LRRFIP1: variants seen among roughly 807,000 people sequenced by gnomAD.
LRRFIP1 encodes the protein leucine-rich repeat flightless-interacting protein 1.
Under a neutral mutation model 104.4 loss-of-function variants are expected in LRRFIP1, and 62 were observed. The ratio of observed to expected loss-of-function variants is 0.59; its 90% CI spans 0.48 to 0.73. The LOEUF (loss-of-function observed/expected upper bound fraction) is 0.73, where lower values mean the gene tolerates loss of function less well. LRRFIP1 is among the 30% of genes least tolerant of loss of function. LRRFIP1 has a pLI of 0.00. For synonymous variants in LRRFIP1, 300 were observed against 299.0 expected (o/e 1.00, Z -0.03); for missense variants, 796 against 824.5 (o/e 0.97, Z 0.42).
chr2:237,627,774 G>A, intron 1 of LRRFIP1, 34 bp downstream of exon 1: 1 of 1,183,066 alleles, frequency 8.5e-7, no homozygotes, highest in Non-Finnish European at 1.1e-6. Context: ...GGGGGGCGCC[G>A]GGCGGGCGCG....
At chr2:237,777,122 C>G (rs1377025416) in intron 23 of LRRFIP1, among the ~76,000 whole-genome samples, 1 of 152,168 alleles carries the variant, frequency 6.6e-6, no homozygotes, top group East Asian at 1.9e-4. Flanking sequence ...ACCCTCCTGC[C>G]TGGCATGCAC....
intron 1 of LRRFIP1, among the ~76,000 whole-genome samples, chr2:237,647,262 G>A (rs563911097): frequency 6.6e-6 from 1 of 152,064 alleles, no homozygotes; most frequent in East Asian, 1.9e-4. Context: ...CATTGGCGGT[G>A]TGCAGGGCCT....
At position 237,747,820 on chromosome 2, in the gene LRRFIP1, A is replaced by G. The variant is rs571201501; in HGVS notation, c.634-544A>G. ...CCTTGGTAACCTTCTCAGTGGGCTT[A>G]TGATAAGAACCTTCAATGTGCCAAA... On this transcript the variant is annotated intron_variant, in intron 11 of 23. Coordinates refer to ENST00000308482, the MANE Select transcript of LRRFIP1 (RefSeq NM_001137550.2). Among the ~76,000 whole-genome samples, 12 of 152,270 alleles carry G rather than the reference A, an allele frequency of 7.9e-5. No homozygotes were observed. In the South Asian group the frequency reaches 1.0e-3, roughly 13 times the overall value.
intron 23 of LRRFIP1, among the ~76,000 whole-genome samples, chr2:237,778,719 C>T (rs949245821): frequency 6.6e-6 from 1 of 151,346 alleles, no homozygotes; most frequent in Admixed American, 6.6e-5. Flanking sequence ...GAGTTCAAGA[C>T]CAGCCTGACC....
chr2:237,740,082 G>A (rs773509755), intron 11 of LRRFIP1, among the ~76,000 whole-genome samples: 2 of 152,014 alleles, frequency 1.3e-5, no homozygotes, highest in Non-Finnish European at 2.9e-5. Flanking sequence ...GATGGGCAAG[G>A]CTTCCCTGTT....
rs540921238 is a variant in LRRFIP1, at chr2:237,667,420, T to C, written c.96+39680T>C. Among the ~76,000 whole-genome samples, 323 of 152,378 alleles carry C rather than the reference T, an allele frequency of 2.1e-3. 4 individuals carry two copies. In the East Asian group the frequency reaches 0.025, roughly 12 times the overall value. On this transcript the variant is annotated intron_variant, in intron 1 of 23. Coordinates refer to ENST00000308482, the MANE Select transcript of LRRFIP1 (RefSeq NM_001137550.2). ...TTTATGGTTGCATAGTATTCCATGG[T>C]GTCTATGTGCCACATTTTCTTTATC... is the stretch of plus-strand genomic sequence containing the variant.
At chr2:237,652,610 G>A (rs1395019821) in intron 1 of LRRFIP1, among the ~76,000 whole-genome samples, 1 of 152,226 alleles carries the variant, frequency 6.6e-6, no homozygotes, top group Non-Finnish European at 1.5e-5. Flanking sequence ...AGACCTAAAA[G>A]CAGTGTCTCA....
intron 1 of LRRFIP1, among the ~76,000 whole-genome samples, chr2:237,672,774 A>T (rs1437206956): frequency 6.6e-6 from 1 of 152,254 alleles, no homozygotes; most frequent in Non-Finnish European, 1.5e-5. Context: ...ATTTTGAAAT[A>T]AGACTTTACA....
intron 15 of LRRFIP1, among the ~76,000 whole-genome samples, chr2:237,753,790 C>CAAAAA (rs749198309): frequency 2.7e-5 from 2 of 74,750 alleles, no homozygotes; most frequent in South Asian, 4.6e-4. Context: ...GACACTGTCT[C>CAAAAA]AAAAAAAAAA....
chr2:237,656,835 T>A (rs1310280753), intron 1 of LRRFIP1, among the ~76,000 whole-genome samples: 1 of 152,260 alleles, frequency 6.6e-6, no homozygotes, highest in Non-Finnish European at 1.5e-5. Flanking sequence ...TTGTAAGTAC[T>A]ATTTGTGATT....
chr2:237,753,863 T>G (rs1197280816), intron 15 of LRRFIP1, among the ~76,000 whole-genome samples: 1 of 151,154 alleles, frequency 6.6e-6, no homozygotes, highest in East Asian at 1.9e-4. Context: ...TATGTGTGGA[T>G]ATATCGTGTG....
At chr2:237,671,222 TAC>T (rs1304380775) in intron 1 of LRRFIP1, among the ~76,000 whole-genome samples, 1 of 152,206 alleles carries the variant, frequency 6.6e-6, no homozygotes, top group Admixed American at 6.5e-5. Flanking sequence ...TAACCTGCAC[TAC>T]ACACATATCC....
At chr2:237,746,070 T>A (rs996821017) in intron 11 of LRRFIP1, among the ~76,000 whole-genome samples, 2 of 150,794 alleles carry the variant, frequency 1.3e-5, no homozygotes, top group South Asian at 2.1e-4. Flanking sequence ...TTATTTTTTT[T>A]TTTTTTGAGA....
At position 237,706,054 on chromosome 2, in the gene LRRFIP1, A is replaced by G. The variant is rs1334772420; in HGVS notation, c.97-2490A>G. Among the ~76,000 whole-genome samples, 7 of 152,362 alleles carry G rather than the reference A, an allele frequency of 4.6e-5. No homozygotes were observed. The East Asian group carries it at 1.4e-3, about 29-fold the overall frequency. ...AATTATTTTTTTAATACTTTTTGCC[A>G]TGTAATACAGCCTAATTACAGTGGT... On this transcript the variant is annotated intron_variant, in intron 1 of 23. Coordinates refer to ENST00000308482, the MANE Select transcript of LRRFIP1 (RefSeq NM_001137550.2).
In LRRFIP1 at chr2:237,711,952, G is replaced by A. The variant is rs2094117208; in HGVS notation, c.184-2307G>A. Among the ~76,000 whole-genome samples, 1 of 152,216 alleles carries A rather than the reference G, an allele frequency of 6.6e-6. No homozygotes were observed. The highest frequency in any genetic ancestry group is 1.5e-5 in the Non-Finnish European group (1 of 68,040). On this transcript the variant is annotated intron_variant, in intron 2 of 23. Transcript: ENST00000308482. This position sits in a 1 kb window ranked among gnomAD's most constrained non-coding sequence, Gnocchi z 4.4. ...GTGCCTTCATGAATTTCGGGTCTTT[G>A]CAAGGCGGCAGCATTCCTGTTTAAA...
chr2:237,679,819 G>C (rs1176908737), intron 1 of LRRFIP1, among the ~76,000 whole-genome samples: 1 of 152,122 alleles, frequency 6.6e-6, no homozygotes, highest in Non-Finnish European at 1.5e-5. Context: ...TGTTGGTCAG[G>C]CTGGTCTCAA....
chr2:237,714,282 C>T lies in LRRFIP1; in HGVS notation c.201+6C>T, dbSNP rs375009341. On this transcript the variant is annotated splice_donor_region_variant and intron_variant, in intron 3 of 23. Transcript: ENST00000308482. The stretch of plus-strand genomic sequence containing the variant: ...AGATCTATCAGGTCCAAAAGGTAGG[C>T]TCTTCTTTCTTTATTTTCTAACTTG... 53 of 1,598,572 alleles carry T rather than the reference C, an allele frequency of 3.3e-5. No individual in the cohort carries two copies. In the African/African-American group the frequency reaches 7.0e-4, roughly 21 times the overall value.
At chr2:237,694,063 T>C (rs535984227) in intron 1 of LRRFIP1, among the ~76,000 whole-genome samples, 1 of 152,298 alleles carries the variant, frequency 6.6e-6, no homozygotes, top group East Asian at 1.9e-4. Flanking sequence ...TGTGTTTTGT[T>C]TTGTTTTTAT....
chr2:237,756,336 GCTGGGAGTC>G, intron 16 of LRRFIP1, 149 bp downstream of exon 16: 1 of 650,800 alleles, frequency 1.5e-6, no homozygotes. Flanking sequence ...AATTCTGGAG[GCTGGGAGTC>G]CAAGATCAAG....
Sources: gnomAD v4.1 joint callset for allele counts (sites outside exome capture counted in the v4.1 genomes callset) on GRCh38, gnomAD v4.1.1 for gene constraint, Gnocchi (gnomAD v3.1) non-coding constraint, MANE v1.5 for transcripts, NCBI Gene and HGNC (gene_info 2026-07-23, HGNC 2026-07-21) for gene names.